The following CFAP299 variants were observed in gnomAD, a reference collection of about 807,000 sequenced individuals.
The protein encoded by CFAP299 is cilia and flagella associated protein 299, also known as cilia- and flagella-associated protein 299.
Under a neutral mutation model 27.0 loss-of-function variants are expected in CFAP299, and 21 were observed. That is an observed-to-expected ratio of 0.78 (90% CI 0.55 to 1.12). CFAP299 has a LOEUF of 1.12. Among genes scored for constraint, CFAP299 ranks in the 50% most tolerant of loss-of-function variants. The pLI is 0.00. For missense variants in CFAP299, 310 were observed against 276.6 expected, an observed-to-expected ratio of 1.12 and a Z score of -0.86; for synonymous variants, 104 against 98.1, an observed-to-expected ratio of 1.06 and a Z score of -0.36.
At chr4:80,939,299 A>G (rs1238323736) in intron 4 of CFAP299, among the ~76,000 whole-genome samples, 2 of 152,144 alleles carry the variant, frequency 1.3e-5, no homozygotes, top group African/African-American at 4.8e-5. Flanking sequence ...GAACTCTTAT[A>G]CTACATATAC....
rs1203322592 is a variant in CFAP299 at position 80,937,298 on chromosome 4, C to CTT, written c.477-7504_477-7503dup. ...GCATAGAATATCATTTTTCTTTTTT[C>CTT]TTTTTTTTTCTTTCTTTTTTTTTTT... On this transcript the variant is annotated intron_variant, in intron 4 of 5. Transcript: ENST00000358105. 2.4e-3 allele frequency among the ~76,000 whole-genome samples: 230 copies of CTT among 94,330 alleles called. 6 individuals are homozygous for CTT. The highest frequency in any genetic ancestry group is 0.01 in the African/African-American group (219 of 21,404). The allele number at this position is 94,330 out of a possible 152,430, so 61.9% of individuals were successfully genotyped here.
At chr4:80,952,632 G>A (rs187934290) in intron 5 of CFAP299, among the ~76,000 whole-genome samples, 1 of 152,128 alleles carries the variant, frequency 6.6e-6, no homozygotes, top group East Asian at 1.9e-4. Flanking sequence ...TTTTCTCTGA[G>A]CAAAAGACTA....
intron 2 of CFAP299, among the ~76,000 whole-genome samples, chr4:80,397,975 C>T (rs1368881782): frequency 6.6e-6 from 1 of 152,210 alleles, no homozygotes; most frequent in African/African-American, 2.4e-5. Context: ...AGCTCATAAG[C>T]AACTTCAGCA....
At chr4:80,810,558 A>T (rs1386683297) in intron 3 of CFAP299, among the ~76,000 whole-genome samples, 1 of 152,114 alleles carries the variant, frequency 6.6e-6, no homozygotes, top group Non-Finnish European at 1.5e-5. Flanking sequence ...TGCAACGTGA[A>T]GATGAAGGCA....
intron 3 of CFAP299, among the ~76,000 whole-genome samples, chr4:80,653,812 CAT>C (rs1447779902): frequency 6.6e-6 from 1 of 152,102 alleles, no homozygotes; most frequent in East Asian, 1.9e-4. Context: ...AAAAAATTTT[CAT>C]AGTCTTAAGA....
chr4:80,372,329 C>A (rs1724186123), intron 2 of CFAP299, among the ~76,000 whole-genome samples: 1 of 152,208 alleles, frequency 6.6e-6, no homozygotes, highest in African/African-American at 2.4e-5. Context: ...CTGGGGATTA[C>A]AGTTTGGCAT....
chr4:80,565,488 G>T (rs551193691), intron 2 of CFAP299, among the ~76,000 whole-genome samples: 2 of 152,096 alleles, frequency 1.3e-5, no homozygotes, highest in African/African-American at 4.8e-5. Flanking sequence ...GGAATAAAAG[G>T]GTAGAAAGGA....
chr4:80,838,783 T>C (rs1291957736), intron 3 of CFAP299, among the ~76,000 whole-genome samples: 2 of 152,172 alleles, frequency 1.3e-5, no homozygotes, highest in Non-Finnish European at 2.9e-5. Context: ...AAGTAGTTTT[T>C]TCTAATTATA....
intron 5 of CFAP299, among the ~76,000 whole-genome samples, chr4:80,959,604 C>T (rs958285393): frequency 6.6e-6 from 1 of 152,006 alleles, no homozygotes; most frequent in Non-Finnish European, 1.5e-5. Context: ...ATAAGTAAGG[C>T]TGAGCATCTC....
intron 2 of CFAP299, among the ~76,000 whole-genome samples, chr4:80,455,225 T>C (rs1017893491): frequency 2.0e-5 from 3 of 152,186 alleles, no homozygotes; most frequent in Non-Finnish European, 2.9e-5. Flanking sequence ...AGGGCTCTTA[T>C]CATTTTTGTT....
chr4:80,422,445 C>A (rs1022426471), intron 2 of CFAP299, among the ~76,000 whole-genome samples: 1 of 152,122 alleles, frequency 6.6e-6, no homozygotes, highest in Non-Finnish European at 1.5e-5. Flanking sequence ...TGCTACTACG[C>A]CCATAGGCCG....
chr4:80,947,510 T>C (rs1424443398), intron 5 of CFAP299, among the ~76,000 whole-genome samples: 2 of 152,106 alleles, frequency 1.3e-5, no homozygotes, highest in African/African-American at 2.4e-5. Context: ...GTTGTAGTTG[T>C]TGTGTTGTTG....
At chr4:80,593,072 T>C (rs1403988627) in intron 3 of CFAP299, among the ~76,000 whole-genome samples, 1 of 152,208 alleles carries the variant, frequency 6.6e-6, no homozygotes, top group Admixed American at 6.5e-5. Context: ...CACTATTTTG[T>C]CTGGGAGAAG....
At chr4:80,326,657 G>A in the CFAP299 span, among the ~76,000 whole-genome samples, 1 of 152,030 alleles carries the variant, frequency 6.6e-6, no homozygotes, top group African/African-American at 2.4e-5. Flanking sequence ...GTTTCCTTGA[G>A]GCACTAAGTG....
intron 3 of CFAP299, among the ~76,000 whole-genome samples, chr4:80,633,205 T>C (rs1577957506): frequency 1.3e-5 from 2 of 152,240 alleles, no homozygotes; most frequent in East Asian, 1.9e-4. Context: ...TCCCAACACT[T>C]TGGGAGGCCG....
At chr4:80,487,074 A>G (rs781316689) in intron 2 of CFAP299, among the ~76,000 whole-genome samples, 101 of 152,216 alleles carry the variant, frequency 6.6e-4, no homozygotes, top group Admixed American at 9.2e-4. Context: ...CAAGGCCTAT[A>G]TATTATATTT....
At position 80,378,163 on chromosome 4, in the gene CFAP299, A is replaced by C. The variant is rs77031051; in HGVS notation, c.242+15279A>C. On this transcript the variant is annotated intron_variant, in intron 2 of 5. Coordinates refer to ENST00000358105, the MANE Select transcript of CFAP299 (RefSeq NM_152770.3). Reference sequence around the variant, plus strand: ...CAGTATCTTGCAAATATTTTGTTAGATCTGTCCCTAGAAATTTCATTTTTT... The same window carrying C: ...CAGTATCTTGCAAATATTTTGTTAGCTCTGTCCCTAGAAATTTCATTTTTT... 4.1e-3 allele frequency among the ~76,000 whole-genome samples: 622 copies of C among 152,280 alleles called. 3 individuals carry two copies. Among genetic ancestry groups the C allele is most frequent in the African/African-American group, 0.012 (511 of 41,554 alleles).
chr4:80,346,493 G>T (rs1207809756), intron 1 of CFAP299, among the ~76,000 whole-genome samples: 1 of 152,146 alleles, frequency 6.6e-6, no homozygotes, highest in African/African-American at 2.4e-5. Flanking sequence ...TTCTACATAT[G>T]GCCAGACAGT....
At chr4:80,599,947 C>A in intron 3 of CFAP299, among the ~76,000 whole-genome samples, 1 of 151,890 alleles carries the variant, frequency 6.6e-6, no homozygotes, top group African/African-American at 2.4e-5. Flanking sequence ...CAAAAACAAA[C>A]AAAAAGCTGA....
Sources: gnomAD v4.1 joint callset for allele counts (sites outside exome capture counted in the v4.1 genomes callset) on GRCh38, gnomAD v4.1.1 for gene constraint, MANE v1.5 for transcripts, NCBI Gene and HGNC (gene_info 2026-07-23, HGNC 2026-07-21) for gene names.